The following LSAMP variants were observed in gnomAD, a reference collection of about 807,000 sequenced individuals.
The protein encoded by LSAMP is limbic system associated membrane protein, also known as limbic system-associated membrane protein.
LSAMP carries 7 observed loss-of-function variants against 38.6 expected under a neutral mutation model. That is an observed-to-expected ratio of 0.18 (90% confidence interval 0.10 to 0.34). The LOEUF (loss-of-function observed/expected upper bound fraction) is 0.34, where lower values mean the gene tolerates loss of function less well. LSAMP is among the 10% of genes least tolerant of loss of function. The pLI is 1.00. For synonymous variants in LSAMP, 154 were observed against 166.8 expected (o/e 0.92, Z 0.59); for missense variants, 313 against 420.0 (o/e 0.75, Z 2.23).
chr3:116,106,663 A>G (rs1409515085), intron 1 of LSAMP, among the ~76,000 whole-genome samples: 1 of 152,148 alleles, frequency 6.6e-6, no homozygotes, highest in Non-Finnish European at 1.5e-5. Flanking sequence ...GACTGTATAG[A>G]GGTGGGAAGG....
At chr3:116,065,247 C>T (rs1487513552) in intron 2 of LSAMP, among the ~76,000 whole-genome samples, 1 of 152,144 alleles carries the variant, frequency 6.6e-6, no homozygotes, top group Non-Finnish European at 1.5e-5. Flanking sequence ...CTGAACCATG[C>T]TTATGCCAAG....
chr3:116,018,402 T>G (rs986356487), intron 3 of LSAMP, among the ~76,000 whole-genome samples: 2 of 152,156 alleles, frequency 1.3e-5, no homozygotes, highest in Non-Finnish European at 2.9e-5. Context: ...ATGTCTCAGT[T>G]TAGCTCCTGT....
chr3:115,948,883 A>G (rs1938192190), intron 3 of LSAMP, among the ~76,000 whole-genome samples: 1 of 152,250 alleles, frequency 6.6e-6, no homozygotes, highest in Non-Finnish European at 1.5e-5. Context: ...CTGTAATCCC[A>G]GGACTTTGGG....
chr3:116,367,128 T>C (rs1166723535), intron 1 of LSAMP, among the ~76,000 whole-genome samples: 2 of 152,166 alleles, frequency 1.3e-5, no homozygotes, highest in African/African-American at 2.4e-5. Flanking sequence ...GATAATTGGA[T>C]TGTTTCATTA....
At chr3:115,952,009 A>G (rs1938308317) in intron 3 of LSAMP, among the ~76,000 whole-genome samples, 3 of 152,224 alleles carry the variant, frequency 2.0e-5, no homozygotes, top group African/African-American at 7.2e-5. Flanking sequence ...TTAAAACCAT[A>G]GTGAGATTAC....
At chr3:116,164,359 A>G (rs2107543409) in intron 1 of LSAMP, among the ~76,000 whole-genome samples, 1 of 151,714 alleles carries the variant, frequency 6.6e-6, no homozygotes, top group South Asian at 2.1e-4. Flanking sequence ...TCCATCATGT[A>G]AGAGTTGTGC....
intron 1 of LSAMP, among the ~76,000 whole-genome samples, chr3:116,123,774 T>A (rs1051211824): frequency 6.6e-6 from 1 of 152,192 alleles, no homozygotes; most frequent in African/African-American, 2.4e-5. Context: ...ATCTTTGGAG[T>A]ATAGGCTAAG....
At chr3:116,189,705 T>G (rs1181607887) in intron 1 of LSAMP, among the ~76,000 whole-genome samples, 1 of 152,132 alleles carries the variant, frequency 6.6e-6, no homozygotes, top group Non-Finnish European at 1.5e-5. Context: ...AAAGGAGTCA[T>G]GATCCCCCTT....
Position 115,832,191 on chromosome 3 carries a change from CAT to C in LSAMP, c.919+9652_919+9653del, listed in dbSNP as rs139449404. Among the ~76,000 whole-genome samples, 392 of 152,260 alleles carry C rather than the reference CAT, an allele frequency of 2.6e-3. 2 individuals carry two copies. The highest frequency in any genetic ancestry group is 9.1e-3 in the African/African-American group (376 of 41,546). ...TAATAATAAAGCAGCTGAAATGAAACATACATCTTTGTGAGGTTGGAAATTAG... is the reference window on the plus strand; with the variant it reads ...TAATAATAAAGCAGCTGAAATGAAACACATCTTTGTGAGGTTGGAAATTAG... On this transcript the variant is annotated intron_variant, in intron 6 of 6. Coordinates refer to ENST00000490035, the MANE Select transcript of LSAMP (RefSeq NM_002338.5).
intron 3 of LSAMP, among the ~76,000 whole-genome samples, chr3:115,899,363 A>G (rs1229112880): frequency 1.3e-5 from 2 of 152,132 alleles, no homozygotes; most frequent in Non-Finnish European, 2.9e-5. Flanking sequence ...CCAGAAAAGG[A>G]ATTACATAAA....
chr3:116,038,986 C>G (rs761247438), intron 2 of LSAMP, among the ~76,000 whole-genome samples: 10 of 152,108 alleles, frequency 6.6e-5, no homozygotes, highest in Non-Finnish European at 1.5e-4. Flanking sequence ...TAAAAACAAC[C>G]TATATTTGAT....
intron 1 of LSAMP, among the ~76,000 whole-genome samples, chr3:116,324,574 C>A (rs141884930): frequency 6.6e-6 from 1 of 152,046 alleles, no homozygotes; most frequent in South Asian, 2.1e-4. Context: ...CTATTCATTC[C>A]GAGTTCTTAC....
intron 1 of LSAMP, among the ~76,000 whole-genome samples, chr3:116,135,147 C>T (rs1044112833): frequency 5.9e-5 from 9 of 152,154 alleles, no homozygotes; most frequent in Non-Finnish European, 1.2e-4. Context: ...TACTCAAGAT[C>T]TCACAGCTCA....
chr3:115,958,687 C>T (rs1425061399), intron 3 of LSAMP, among the ~76,000 whole-genome samples: 3 of 152,126 alleles, frequency 2.0e-5, no homozygotes, highest in Non-Finnish European at 2.9e-5. Context: ...TAGACTGAAA[C>T]ACAGATTGCT....
intron 1 of LSAMP, among the ~76,000 whole-genome samples, chr3:116,327,710 T>A (rs942789521): frequency 6.6e-6 from 1 of 152,156 alleles, no homozygotes; most frequent in Non-Finnish European, 1.5e-5. Flanking sequence ...AGAATGTCAG[T>A]CCCTAATAAC....
intron 3 of LSAMP, among the ~76,000 whole-genome samples, chr3:116,011,217 T>A (rs1940315372): frequency 6.6e-6 from 1 of 152,216 alleles, no homozygotes; most frequent in African/African-American, 2.4e-5. Context: ...AGTTTTTGCA[T>A]TTTTATAGAT....
intron 3 of LSAMP, among the ~76,000 whole-genome samples, chr3:115,987,914 A>G (rs1394838398): frequency 6.6e-6 from 1 of 152,194 alleles, no homozygotes; most frequent in African/African-American, 2.4e-5. Context: ...TTCATCCAGC[A>G]GGTCAGATTT....
chr3:116,270,846 TA>T (rs765292523), intron 1 of LSAMP, among the ~76,000 whole-genome samples: 1 of 152,058 alleles, frequency 6.6e-6, no homozygotes, highest in Non-Finnish European at 1.5e-5. Flanking sequence ...CAATAAGCAG[TA>T]AAAAAATACT....
chr3:116,189,261 T>C (rs993299838), intron 1 of LSAMP, among the ~76,000 whole-genome samples: 2 of 152,200 alleles, frequency 1.3e-5, no homozygotes. Flanking sequence ...ATAATTTTCC[T>C]GGTATAAGGA....
Sources: gnomAD v4.1 joint callset for allele counts (sites outside exome capture counted in the v4.1 genomes callset) on GRCh38, gnomAD v4.1.1 for gene constraint, MANE v1.5 for transcripts, NCBI Gene and HGNC (gene_info 2026-07-23, HGNC 2026-07-21) for gene names.